The following DPY19L1 variants were observed in gnomAD, a reference collection of about 807,000 sequenced individuals.
DPY19L1 encodes the protein dpy-19 like C-mannosyltransferase 1, also known as protein C-mannosyl-transferase DPY19L1.
Under a neutral mutation model 96.9 loss-of-function variants are expected in DPY19L1, and 35 were observed. That is an observed-to-expected ratio of 0.36 (90% CI 0.28 to 0.48). DPY19L1 has a LOEUF of 0.48. DPY19L1 is among the 20% of genes least tolerant of loss of function. The probability of loss-of-function intolerance (pLI) is 0.99; values close to 1 mark genes in which losing one functional copy is unlikely to be tolerated. For missense variants in DPY19L1, 521 were observed against 777.9 expected (o/e 0.67, Z 3.93); for synonymous variants, 205 against 252.6 (o/e 0.81, Z 1.79).
At position 34,931,401 on chromosome 7, in the gene DPY19L1, A is replaced by C. The variant is rs1783749533; in HGVS notation, c.*172T>G. On this transcript the variant is annotated 3_prime_UTR_variant, in exon 22 of 22. Coordinates refer to ENST00000638088, the MANE Select transcript of DPY19L1 (RefSeq NM_001366673.1). The stretch of plus-strand genomic sequence containing the variant: ...CATTGAAATAGTAACCAATTGATAA[A>C]GGTGTAAGTCATTTTTATAATTAGA... The C allele has an allele frequency of 1.1e-5, 10 of 882,732 alleles. No individual in the cohort carries two copies. The highest frequency in any genetic ancestry group is 1.4e-5 in the Non-Finnish European group (9 of 637,198). 54.7% of individuals were successfully genotyped at this position (882,732 alleles called of 1,614,324 possible). A position where few individuals can be genotyped will look rare whatever the true frequency, so the allele number is the denominator to read the frequency against.
chr7:35,011,477 T>A (rs1785710634), intron 4 of DPY19L1, 27 bp from the exon 5 acceptor site: 13 of 1,568,014 alleles, frequency 8.3e-6, no homozygotes, highest in Non-Finnish European at 1.1e-5. Flanking sequence ...AGAGGCATCT[T>A]AAGAAAATAT....
chr7:34,941,205 AGGCT>A (rs1784005888), intron 18 of DPY19L1, among the ~76,000 whole-genome samples: 1 of 152,138 alleles, frequency 6.6e-6, no homozygotes, highest in African/African-American at 2.4e-5. Flanking sequence ...TGTTGTACCT[AGGCT>A]GGTTGACTGA....
At chr7:35,012,941 G>A (rs532127477) in intron 4 of DPY19L1, among the ~76,000 whole-genome samples, 1 of 142,674 alleles carries the variant, frequency 7.0e-6, no homozygotes, top group Admixed American at 7.0e-5. Context: ...TACATATATA[G>A]AGAACACTGA....
intron 21 of DPY19L1, among the ~76,000 whole-genome samples, chr7:34,932,170 G>C (rs1236763255): frequency 3.9e-5 from 6 of 152,202 alleles, no homozygotes; most frequent in African/African-American, 1.4e-4. Flanking sequence ...GTATGACATT[G>C]ATTTAAAAAA....
At chr7:34,960,123 AAAAT>A (rs1784472454) in intron 10 of DPY19L1, among the ~76,000 whole-genome samples, 1 of 151,386 alleles carries the variant, frequency 6.6e-6, no homozygotes, top group Non-Finnish European at 1.5e-5. Flanking sequence ...CACTAAAAAT[AAAAT>A]AATCCATATT....
intron 12 of DPY19L1, 40 bp downstream of exon 12, chr7:34,955,268 A>C: frequency 6.5e-7 from 1 of 1,547,802 alleles, no homozygotes; most frequent in East Asian, 2.3e-5. Context: ...TATATTTTAG[A>C]GAAGAAAAAA....
rs188644081 is a variant in DPY19L1, at chr7:34,960,660, T to A, written c.1093-2590A>T. ...AGTAATGAGAGAGGCAGTAGGCATA[T>A]TTACCATGCTTCTGGCATTAATGGA... On this transcript the variant is annotated intron_variant, in intron 10 of 21. Coordinates refer to ENST00000638088, the MANE Select transcript of DPY19L1 (RefSeq NM_001366673.1). Among the ~76,000 whole-genome samples the A allele has an allele frequency of 6.2e-3, 940 of 152,262 alleles. 7 individuals carry two copies. Among genetic ancestry groups the A allele is most frequent in the African/African-American group, 0.021 (881 of 41,554 alleles).
At chr7:35,019,437 A>G (rs144441223) in intron 1 of DPY19L1, among the ~76,000 whole-genome samples, 100 of 152,226 alleles carry the variant, frequency 6.6e-4, no homozygotes, top group Non-Finnish European at 1.2e-3. Context: ...TGGGCAACAT[A>G]CTGAGACTCT....
intron 15 of DPY19L1, among the ~76,000 whole-genome samples, chr7:34,947,383 C>T (rs185598114): frequency 1.3e-5 from 2 of 152,238 alleles, no homozygotes; most frequent in African/African-American, 4.8e-5. Context: ...CTGATCATGC[C>T]TTCCAAAATA....
intron 10 of DPY19L1, among the ~76,000 whole-genome samples, chr7:34,960,466 T>A (rs1284244504): frequency 2.0e-5 from 3 of 152,146 alleles, no homozygotes; most frequent in Non-Finnish European, 1.5e-5. Flanking sequence ...TACAGAAAAA[T>A]TATATTAAAT....
intron 1 of DPY19L1, among the ~76,000 whole-genome samples, chr7:35,022,834 G>T (rs35272315): frequency 0.03 from 4,640 of 152,278 alleles, 107 homozygotes; most frequent in South Asian, 0.09. Flanking sequence ...ACTTTGTGCA[G>T]ATTAGACACC....
At chr7:35,024,720 T>A (rs951266838) in intron 1 of DPY19L1, among the ~76,000 whole-genome samples, 3 of 152,214 alleles carry the variant, frequency 2.0e-5, no homozygotes, top group Non-Finnish European at 4.4e-5. Flanking sequence ...AATTTGTCCT[T>A]CAAAATCAAA....
intron 1 of DPY19L1, among the ~76,000 whole-genome samples, chr7:35,023,726 G>C (rs978253958): frequency 2.6e-5 from 4 of 152,014 alleles, no homozygotes; most frequent in African/African-American, 9.7e-5. Flanking sequence ...CCCAGCCTGA[G>C]CTCCTTCCAC....
At chr7:34,986,041 T>A (rs1241598796) in intron 7 of DPY19L1, among the ~76,000 whole-genome samples, 3 of 151,850 alleles carry the variant, frequency 2.0e-5, no homozygotes, top group Non-Finnish European at 4.4e-5. Flanking sequence ...CTATGCTAAG[T>A]GAAATAAACC....
chr7:34,986,804 C>A (rs1287887665), intron 7 of DPY19L1, among the ~76,000 whole-genome samples: 1 of 151,968 alleles, frequency 6.6e-6, no homozygotes, highest in Admixed American at 6.6e-5. Flanking sequence ...CTTTTGGAGG[C>A]AATCCGTTAA....
intron 7 of DPY19L1, among the ~76,000 whole-genome samples, chr7:34,981,207 T>C (rs1436472079): frequency 6.6e-6 from 1 of 152,080 alleles, no homozygotes; most frequent in Non-Finnish European, 1.5e-5. Flanking sequence ...GCCAAATCTG[T>C]GACAATGGGA....
intron 14 of DPY19L1, among the ~76,000 whole-genome samples, chr7:34,948,179 T>A (rs1220922371): frequency 1.3e-5 from 2 of 151,208 alleles, no homozygotes; most frequent in African/African-American, 4.9e-5. Flanking sequence ...AGAAAAAAAA[T>A]AGAAATAAGT....
At chr7:34,961,831 C>T (rs1174578674) in intron 10 of DPY19L1, among the ~76,000 whole-genome samples, 2 of 152,042 alleles carry the variant, frequency 1.3e-5, no homozygotes, top group African/African-American at 4.8e-5. Context: ...ATAGACACTT[C>T]ACCAAAAAAG....
chr7:34,992,774 G>A (rs976607204), intron 6 of DPY19L1, among the ~76,000 whole-genome samples: 1 of 150,856 alleles, frequency 6.6e-6, no homozygotes, highest in Non-Finnish European at 1.5e-5. Context: ...TCAGACTATA[G>A]AAAACCCATC....
Sources: allele counts gnomAD v4.1 joint callset (sites outside exome capture counted in the v4.1 genomes callset), GRCh38; gene constraint gnomAD v4.1.1; transcripts MANE v1.5; gene names NCBI Gene and HGNC (gene_info 2026-07-23, HGNC 2026-07-21).